The following SPATA17 variants were observed in gnomAD, a reference collection of about 807,000 sequenced individuals.
The protein encoded by SPATA17 is spermatogenesis associated 17, also known as spermatogenesis-associated protein 17.
In SPATA17, 53 loss-of-function variants were observed where a neutral mutation model predicts 62.2. The ratio of observed to expected loss-of-function variants is 0.85; its 90% CI spans 0.68 to 1.07. The LOEUF (loss-of-function observed/expected upper bound fraction) is 1.07, where lower values mean the gene tolerates loss of function less well. SPATA17 is among the 50% of genes least tolerant of loss of function. The probability of loss-of-function intolerance (pLI) is 0.00; values close to 1 mark genes in which losing one functional copy is unlikely to be tolerated. For missense variants in SPATA17, 466 were observed against 425.5 expected (o/e 1.10, Z -0.84); for synonymous variants, 146 against 146.8 (o/e 0.99, Z 0.04).
intron 9 of SPATA17, among the ~76,000 whole-genome samples, chr1:217,857,905 A>G (rs1675817805): frequency 6.6e-6 from 1 of 152,202 alleles, no homozygotes; most frequent in African/African-American, 2.4e-5. Context: ...ACACCAGATA[A>G]GACCAAGTTT....
chr1:217,708,367 T>C (rs1671783047), intron 5 of SPATA17, among the ~76,000 whole-genome samples: 1 of 152,028 alleles, frequency 6.6e-6, no homozygotes, highest in South Asian at 2.1e-4. Flanking sequence ...ACAAAGGGAA[T>C]ATTATGATAC....
At chr1:217,835,338 C>T (rs1325342662) in intron 9 of SPATA17, among the ~76,000 whole-genome samples, 1 of 152,082 alleles carries the variant, frequency 6.6e-6, no homozygotes, top group African/African-American at 2.4e-5. Context: ...GACCTTGAAG[C>T]TGGAGTTAAT....
chr1:217,771,888 G>A (rs1673456641), intron 6 of SPATA17, among the ~76,000 whole-genome samples: 1 of 152,088 alleles, frequency 6.6e-6, no homozygotes, highest in African/African-American at 2.4e-5. Context: ...GTTAATAGCT[G>A]GTAGCGGTTA....
At position 217,704,539 on chromosome 1, in the gene SPATA17, C is replaced by G. The variant is rs376719500; in HGVS notation, c.395+21178C>G. The stretch of plus-strand genomic sequence containing the variant: ...TGCTGGGATTACAGGCGTGAGCCAC[C>G]GCGCCCGGCCCTTCCCTCTACCTTT... On this transcript the variant is annotated intron_variant, in intron 5 of 10. Transcript: ENST00000366933. 8.0e-4 allele frequency among the ~76,000 whole-genome samples: 122 copies of G among 151,898 alleles called. 1 individual carries two copies. In the South Asian group the frequency reaches 0.014, roughly 17 times the overall value.
At chr1:217,637,967 C>T (rs970797298) in intron 1 of SPATA17, among the ~76,000 whole-genome samples, 5 of 151,960 alleles carry the variant, frequency 3.3e-5, no homozygotes, top group Admixed American at 6.6e-5. Context: ...GATAATAATG[C>T]CTATTGATAT....
At chr1:217,664,346 G>A (rs1670643927) in intron 3 of SPATA17, among the ~76,000 whole-genome samples, 1 of 142,444 alleles carries the variant, frequency 7.0e-6, no homozygotes, top group South Asian at 2.2e-4. Flanking sequence ...AGACTGGAGT[G>A]CAGTGGTGCA....
At chr1:217,667,108 C>T (rs1399569150) in intron 3 of SPATA17, among the ~76,000 whole-genome samples, 2 of 132,968 alleles carry the variant, frequency 1.5e-5, no homozygotes, top group Admixed American at 8.7e-5. Flanking sequence ...AATGCAGTGG[C>T]TTGATCTTGG....
At chr1:217,686,521 A>G (rs1030072720) in intron 5 of SPATA17, among the ~76,000 whole-genome samples, 2 of 151,982 alleles carry the variant, frequency 1.3e-5, no homozygotes, top group African/African-American at 4.8e-5. Context: ...TTAGAGAAAC[A>G]TCTCTCAGAT....
chr1:217,683,738 C>T (rs1671155498), intron 5 of SPATA17, among the ~76,000 whole-genome samples: 1 of 152,100 alleles, frequency 6.6e-6, no homozygotes, highest in African/African-American at 2.4e-5. Flanking sequence ...CTGCACCCGG[C>T]TAAAAATATT....
At chr1:217,686,136 T>C (rs1416848376) in intron 5 of SPATA17, among the ~76,000 whole-genome samples, 1 of 152,136 alleles carries the variant, frequency 6.6e-6, no homozygotes, top group Admixed American at 6.5e-5. Flanking sequence ...TATATTGCAA[T>C]TGTCAGATCC....
chr1:217,835,559 T>C (rs964924545), intron 9 of SPATA17, among the ~76,000 whole-genome samples: 14 of 152,100 alleles, frequency 9.2e-5, no homozygotes, highest in South Asian at 2.1e-4. Flanking sequence ...CCGTAGTGCA[T>C]TGAATAACCA....
At chr1:217,844,394 G>T (rs748860674) in intron 9 of SPATA17, among the ~76,000 whole-genome samples, 2 of 152,038 alleles carry the variant, frequency 1.3e-5, no homozygotes, top group Non-Finnish European at 2.9e-5. Context: ...GAATGATGAA[G>T]ACTTTATGAT....
intron 5 of SPATA17, among the ~76,000 whole-genome samples, chr1:217,708,114 A>G (rs958786501): frequency 2.6e-5 from 4 of 152,214 alleles, no homozygotes; most frequent in African/African-American, 9.6e-5. Context: ...GAAATATCCC[A>G]AATTAATAAC....
chr1:217,648,592 C>T (rs1571703548), intron 1 of SPATA17, among the ~76,000 whole-genome samples: 1 of 152,154 alleles, frequency 6.6e-6, no homozygotes, highest in South Asian at 2.1e-4. Flanking sequence ...TTCTTACTTA[C>T]TCCCTAATAA....
chr1:217,649,102 T>TGTATTTCTTTTAAAAGAAATACATA (rs1292658577), intron 2 of SPATA17, 131 bp downstream of exon 2: 21 of 594,262 alleles, frequency 3.5e-5, no homozygotes, highest in Admixed American at 2.1e-4. Flanking sequence ...ATAAATTGTA[T>TGTATTTCTTTTAAAAGAAATACATA]GTATTTCTTT....
At chr1:217,853,235 A>T (rs7542399) in intron 9 of SPATA17, among the ~76,000 whole-genome samples, 1 of 151,876 alleles carries the variant, frequency 6.6e-6, no homozygotes, top group African/African-American at 2.4e-5. Flanking sequence ...CATGAGAGTA[A>T]TGTTTATAAT....
intron 9 of SPATA17, among the ~76,000 whole-genome samples, chr1:217,861,345 T>A (rs1675893416): frequency 6.6e-6 from 1 of 150,400 alleles, no homozygotes. Flanking sequence ...TTTTAACATA[T>A]CTTGCAAGGC....
At chr1:217,770,087 A>C (rs1438758251) in intron 6 of SPATA17, among the ~76,000 whole-genome samples, 1 of 152,186 alleles carries the variant, frequency 6.6e-6, no homozygotes, top group Non-Finnish European at 1.5e-5. Flanking sequence ...TTCTTTGGCC[A>C]CTTGTACTTT....
intron 1 of SPATA17, among the ~76,000 whole-genome samples, chr1:217,639,360 A>C (rs1050348207): frequency 6.6e-6 from 1 of 152,146 alleles, no homozygotes; most frequent in African/African-American, 2.4e-5. Context: ...GGATGAAAGA[A>C]AGACATTTTC....
Sources: gnomAD v4.1 joint callset for allele counts (sites outside exome capture counted in the v4.1 genomes callset) on GRCh38, gnomAD v4.1.1 for gene constraint, MANE v1.5 for transcripts, NCBI Gene and HGNC (gene_info 2026-07-23, HGNC 2026-07-21) for gene names.